Variants in CADPS observed in about 807,000 individuals in gnomAD.
CADPS encodes the protein calcium dependent secretion activator.
In CADPS, 57 loss-of-function variants were observed where a neutral mutation model predicts 167.3. The ratio of observed to expected loss-of-function variants is 0.34; its 90% CI spans 0.28 to 0.42. The LOEUF (loss-of-function observed/expected upper bound fraction) is 0.42, where lower values mean the gene tolerates loss of function less well. CADPS is among the 20% of genes least tolerant of loss of function. CADPS has a pLI of 1.00. For synonymous variants in CADPS, 676 were observed against 635.3 expected, an observed-to-expected ratio of 1.06 and a Z score of -0.96; for missense variants, 1,414 against 1,738.1, an observed-to-expected ratio of 0.81 and a Z score of 3.32.
chr3:62,714,163 T>G (rs527638426), intron 3 of CADPS, among the ~76,000 whole-genome samples: 1 of 152,234 alleles, frequency 6.6e-6, no homozygotes, highest in African/African-American at 2.4e-5. Context: ...TCACAGCTAG[T>G]TGGTACAAAA....
At chr3:62,756,057 CTTT>C (rs59705571) in intron 2 of CADPS, among the ~76,000 whole-genome samples, 6 of 142,060 alleles carry the variant, frequency 4.2e-5, no homozygotes, top group East Asian at 2.0e-4. Flanking sequence ...TTTTCTTTTT[CTTT>C]TTTTTTTTTT....
intron 24 of CADPS, among the ~76,000 whole-genome samples, chr3:62,469,182 T>A (rs1008105575): frequency 7.2e-5 from 11 of 152,192 alleles, no homozygotes; most frequent in African/African-American, 2.7e-4. Context: ...GAGGTAAATA[T>A]CAAAGCAGCC....
intron 24 of CADPS, among the ~76,000 whole-genome samples, chr3:62,469,448 T>C (rs2060314319): frequency 6.6e-6 from 1 of 152,184 alleles, no homozygotes; most frequent in Non-Finnish European, 1.5e-5. Context: ...CCTTGCAGTC[T>C]GATCGACTAT....
intron 3 of CADPS, among the ~76,000 whole-genome samples, chr3:62,676,771 C>A (rs1016143013): frequency 6.6e-6 from 1 of 152,054 alleles, no homozygotes; most frequent in Non-Finnish European, 1.5e-5. Context: ...GGTTTCTGAC[C>A]GTGCTTAATA....
At chr3:62,407,050 T>C (rs1435514178) in intron 28 of CADPS, among the ~76,000 whole-genome samples, 2 of 152,146 alleles carry the variant, frequency 1.3e-5, no homozygotes, top group African/African-American at 4.8e-5. Flanking sequence ...AATGAAATCA[T>C]GCTCATAAAG....
intron 4 of CADPS, among the ~76,000 whole-genome samples, chr3:62,655,206 T>A (rs1400560926): frequency 6.6e-6 from 1 of 152,190 alleles, no homozygotes; most frequent in African/African-American, 2.4e-5. Context: ...AGAAATAGCA[T>A]ACTGTCAATC....
Position 62,567,564 on chromosome 3 carries a change from C to CTTTT in CADPS, c.1644+3304_1644+3307dup, listed in dbSNP as rs10561022. Reference sequence around the variant, plus strand: ...GAGAACCATCCATGACTAAGCACTGCTTTTTTTTTTTTTTTTTTTTTTTTT... The same window carrying CTTTT: ...GAGAACCATCCATGACTAAGCACTGCTTTTTTTTTTTTTTTTTTTTTTTTTTTTT... On this transcript the variant is annotated intron_variant, in intron 9 of 29. Transcript: ENST00000383710. Among the ~76,000 whole-genome samples, 20 of 33,850 alleles carry CTTTT rather than the reference C, an allele frequency of 5.9e-4. 2 individuals carry two copies. The highest frequency in any genetic ancestry group is 9.8e-4 in the African/African-American group (9 of 9,178). 22.2% of individuals were successfully genotyped at this position (33,850 alleles called of 152,430 possible). A position where few individuals can be genotyped will look rare whatever the true frequency, so the allele number is the denominator to read the frequency against.
intron 1 of CADPS, among the ~76,000 whole-genome samples, chr3:62,831,443 C>A (rs571364096): frequency 1.7e-4 from 26 of 152,224 alleles, no homozygotes; most frequent in African/African-American, 6.3e-4. Context: ...ATTAGGGAAT[C>A]AGGATGATGG....
chr3:62,478,471 A>G lies in CADPS; in HGVS notation c.3174-55T>C. On this transcript the variant is annotated intron_variant, in intron 22 of 29. Transcript: ENST00000383710. The surrounding 1 kb of genome is among the most constrained non-coding windows in gnomAD (Gnocchi z 5.7). ...TCACCCACTGGCCTCAGGCTCTACA[A>G]AAACTAACACAGAGACAACTGGGGG... 2 of 1,537,632 alleles carry G rather than the reference A, an allele frequency of 1.3e-6. No homozygotes were observed. Among genetic ancestry groups the G allele is most frequent in the Non-Finnish European group, 1.8e-6 (2 of 1,127,868 alleles).
chr3:62,548,240 A>G (rs2076807580), intron 11 of CADPS, among the ~76,000 whole-genome samples: 1 of 152,240 alleles, frequency 6.6e-6, no homozygotes. Flanking sequence ...ACACACAACA[A>G]TTAAACAAAT....
At chr3:62,555,542 C>T (rs1421260290) in intron 10 of CADPS, among the ~76,000 whole-genome samples, 1 of 152,188 alleles carries the variant, frequency 6.6e-6, no homozygotes, top group Non-Finnish European at 1.5e-5. Context: ...CTCAGAATCT[C>T]AGTTTCTTCA....
At chr3:62,844,773 T>C (rs748822198) in intron 1 of CADPS, among the ~76,000 whole-genome samples, 17 of 152,192 alleles carry the variant, frequency 1.1e-4, no homozygotes, top group Non-Finnish European at 2.1e-4. Flanking sequence ...TCACTACTTT[T>C]TTAATGGTGA....
At chr3:62,407,430 G>T (rs932736777) in intron 28 of CADPS, among the ~76,000 whole-genome samples, 1 of 152,126 alleles carries the variant, frequency 6.6e-6, no homozygotes, top group Non-Finnish European at 1.5e-5. Flanking sequence ...CTAGATTTAC[G>T]TCTTGAATTA....
chr3:62,498,208 T>C, intron 18 of CADPS: 1 of 456,566 alleles, frequency 2.2e-6, no homozygotes, highest in South Asian at 1.5e-5. Flanking sequence ...GGAGGAAATT[T>C]AAATATGCAA....
At chr3:62,429,322 A>T (rs368376668) in intron 28 of CADPS, among the ~76,000 whole-genome samples, 8 of 152,304 alleles carry the variant, frequency 5.3e-5, no homozygotes, top group African/African-American at 1.9e-4. Flanking sequence ...GAGACTATAT[A>T]TCTCTTACAA....
At chr3:62,805,878 C>G (rs1035431368) in intron 1 of CADPS, among the ~76,000 whole-genome samples, 3 of 152,120 alleles carry the variant, frequency 2.0e-5, no homozygotes, top group Non-Finnish European at 2.9e-5. Flanking sequence ...TGGCACTTCT[C>G]TATCTAAAAC....
chr3:62,459,391 T>C (rs751810516), intron 26 of CADPS, among the ~76,000 whole-genome samples: 1 of 152,228 alleles, frequency 6.6e-6, no homozygotes, highest in Non-Finnish European at 1.5e-5. Flanking sequence ...AGCTCCTTCA[T>C]GATCAGGCTC....
chr3:62,605,251 A>AAAC (rs770273996), intron 6 of CADPS, among the ~76,000 whole-genome samples: 8,192 of 18,040 alleles, frequency 0.45, 662 homozygotes, highest in Middle Eastern at 0.5. Context: ...GGGGAAAAAC[A>AAAC]AAAAAAAAAA....
At position 62,398,573 on chromosome 3, in the gene CADPS, A is replaced by G. The variant is rs1704848700; in HGVS notation, c.*833T>C. The stretch of plus-strand genomic sequence containing the variant: ...ATAATTTAAATTATGGTTACAATCT[A>G]CTGAAGGAAATATCCACATCTTATT... On this transcript the variant is annotated 3_prime_UTR_variant, in exon 30 of 30. Transcript: ENST00000383710. 1 of 152,692 alleles carries G rather than the reference A, an allele frequency of 6.5e-6. No homozygotes were observed. The highest frequency in any genetic ancestry group is 2.1e-4 in the South Asian group (1 of 4,832). The allele number at this position is 152,692 out of a possible 1,614,324, so 9.5% of individuals were successfully genotyped here. A position where few individuals can be genotyped will look rare whatever the true frequency, so the allele number is the denominator to read the frequency against.
Sources: allele counts gnomAD v4.1 joint callset (sites outside exome capture counted in the v4.1 genomes callset), GRCh38; gene constraint gnomAD v4.1.1; non-coding constraint Gnocchi (gnomAD v3.1); transcripts MANE v1.5; gene names NCBI Gene and HGNC (gene_info 2026-07-23, HGNC 2026-07-21).